Variants in CNTN4 observed in about 807,000 individuals in gnomAD.
CNTN4 encodes the protein contactin 4, also known as contactin-4.
CNTN4 carries 77 observed loss-of-function variants against 122.5 expected under a neutral mutation model. The observed-to-expected ratio is 0.63, with a 90% CI of 0.52 to 0.76. The LOEUF (loss-of-function observed/expected upper bound fraction) is 0.76. CNTN4 is among the 30% of genes least tolerant of loss of function. CNTN4 has a pLI of 0.00. For synonymous variants in CNTN4, 512 were observed against 447.0 expected, an observed-to-expected ratio of 1.15 and a Z score of -1.83; for missense variants, 1,256 against 1,259.1, an observed-to-expected ratio of 1.00 and a Z score of 0.04.
chr3:2,469,212 T>C (rs1276967375), intron 3 of CNTN4, among the ~76,000 whole-genome samples: 1 of 152,206 alleles, frequency 6.6e-6, no homozygotes, highest in African/African-American at 2.4e-5. Flanking sequence ...TCCTAAAATA[T>C]CCAAATGTAC....
chr3:2,507,895 A>T (rs1157723479), intron 3 of CNTN4, among the ~76,000 whole-genome samples: 4 of 151,424 alleles, frequency 2.6e-5, no homozygotes, highest in Non-Finnish European at 4.4e-5. Context: ...CCACACACAC[A>T]CCCCCTCAAA....
intron 2 of CNTN4, among the ~76,000 whole-genome samples, chr3:2,299,572 C>T (rs1249511659): frequency 6.6e-6 from 1 of 151,896 alleles, no homozygotes; most frequent in Non-Finnish European, 1.5e-5. Flanking sequence ...TATTTTTATG[C>T]CATAATCTGA....
At chr3:2,824,176 A>C (rs1428889406) in intron 7 of CNTN4, among the ~76,000 whole-genome samples, 8 of 146,394 alleles carry the variant, frequency 5.5e-5, no homozygotes, top group African/African-American at 2.0e-4. Flanking sequence ...AAAAAAAAAC[A>C]GGCCAGGCGC....
At chr3:2,770,085 A>G (rs1174107986) in intron 6 of CNTN4, among the ~76,000 whole-genome samples, 1 of 150,574 alleles carries the variant, frequency 6.6e-6, no homozygotes, top group Non-Finnish European at 1.5e-5. Context: ...GCTGGAGTGC[A>G]ATGGCGTGAT....
At chr3:2,623,461 T>C (rs556592655) in intron 4 of CNTN4, among the ~76,000 whole-genome samples, 1 of 152,310 alleles carries the variant, frequency 6.6e-6, no homozygotes, top group African/African-American at 2.4e-5. Context: ...ATTTAGCTGT[T>C]ACTGTGGAGC....
At chr3:2,994,470 C>T (rs1357272869) in intron 14 of CNTN4, among the ~76,000 whole-genome samples, 1 of 152,000 alleles carries the variant, frequency 6.6e-6, no homozygotes, top group South Asian at 2.1e-4. Flanking sequence ...CATTCTTCAA[C>T]CCTACAAGCC....
chr3:2,911,779 G>A (rs2094302744), intron 12 of CNTN4, among the ~76,000 whole-genome samples: 1 of 152,132 alleles, frequency 6.6e-6, no homozygotes, highest in African/African-American at 2.4e-5. Flanking sequence ...AATATAGTAA[G>A]TGAATTCAGA....
intron 2 of CNTN4, among the ~76,000 whole-genome samples, chr3:2,335,824 G>A (rs73807731): frequency 0.077 from 11,706 of 152,124 alleles, 512 homozygotes; most frequent in Middle Eastern, 0.085. Context: ...TTTCTTTTAA[G>A]ATCAGTTATG....
chr3:2,416,113 C>T (rs554416748), intron 3 of CNTN4, among the ~76,000 whole-genome samples: 2 of 145,134 alleles, frequency 1.4e-5, no homozygotes, highest in South Asian at 2.1e-4. Flanking sequence ...TCTAGGGAAG[C>T]AAGAAATATA....
intron 2 of CNTN4, among the ~76,000 whole-genome samples, chr3:2,150,949 C>G (rs188788827): frequency 6.6e-6 from 1 of 152,142 alleles, no homozygotes; most frequent in African/African-American, 2.4e-5. Context: ...TTTTTGAGTT[C>G]CTACTGGTCC....
chr3:2,164,004 G>T (rs1182588035), intron 2 of CNTN4, among the ~76,000 whole-genome samples: 1 of 152,026 alleles, frequency 6.6e-6, no homozygotes, highest in Non-Finnish European at 1.5e-5. Flanking sequence ...ATGATAAAAT[G>T]GACTTTGGGG....
intron 13 of CNTN4, among the ~76,000 whole-genome samples, chr3:2,955,171 G>T (rs1293635180): frequency 6.6e-6 from 1 of 152,126 alleles, no homozygotes; most frequent in Non-Finnish European, 1.5e-5. Flanking sequence ...ACAGCCAGGT[G>T]CTCACCAAAA....
chr3:2,283,534 A>G (rs558811283), intron 2 of CNTN4, among the ~76,000 whole-genome samples: 1 of 152,230 alleles, frequency 6.6e-6, no homozygotes, highest in East Asian at 1.9e-4. Context: ...TGGGGTATAG[A>G]AGAGAGGTTA....
At chr3:2,140,062 C>T (rs1021764662) in intron 2 of CNTN4, among the ~76,000 whole-genome samples, 3 of 152,154 alleles carry the variant, frequency 2.0e-5, no homozygotes, top group African/African-American at 7.2e-5. Flanking sequence ...AGAGGAGTTC[C>T]CCTGCACAAG....
intron 2 of CNTN4, among the ~76,000 whole-genome samples, chr3:2,324,118 A>T (rs940324347): frequency 6.6e-6 from 1 of 152,126 alleles, no homozygotes; most frequent in African/African-American, 2.4e-5. Flanking sequence ...CATGGCAATT[A>T]AAAATGTCTC....
chr3:2,709,352 A>T lies in CNTN4; in HGVS notation c.56-26863A>T, dbSNP rs140022800. On this transcript the variant is annotated intron_variant, in intron 4 of 24. Transcript: ENST00000418658. The surrounding 1 kb of genome is among the most constrained non-coding windows in gnomAD (Gnocchi z 5.0). ...AGAATCATCTGGGGGTCCTTAAAAA[A>T]TACTGATGCGTAGGTCTCACGCCTG... Among the ~76,000 whole-genome samples the T allele has an allele frequency of 6.6e-6, 1 of 152,166 alleles. No individual in the cohort carries two copies. The highest frequency in any genetic ancestry group is 2.4e-5 in the African/African-American group (1 of 41,422).
At chr3:2,739,804 A>C (rs1299788250) in intron 5 of CNTN4, among the ~76,000 whole-genome samples, 2 of 152,234 alleles carry the variant, frequency 1.3e-5, no homozygotes, top group Non-Finnish European at 1.5e-5. Context: ...GACAAAGAGT[A>C]GTAAATTGTG....
chr3:2,780,096 G>A (rs1246056292), intron 6 of CNTN4, among the ~76,000 whole-genome samples: 1 of 152,216 alleles, frequency 6.6e-6, no homozygotes, highest in Non-Finnish European at 1.5e-5. Flanking sequence ...AAGTTAGTGT[G>A]TATATCTGAT....
At chr3:3,036,276 T>A (rs745905074) in intron 17 of CNTN4, among the ~76,000 whole-genome samples, 5 of 152,214 alleles carry the variant, frequency 3.3e-5, no homozygotes, top group Non-Finnish European at 7.3e-5. Context: ...TTTTTCACTT[T>A]AGTTTACTAA....
Sources: gnomAD v4.1 joint callset for allele counts (sites outside exome capture counted in the v4.1 genomes callset) on GRCh38, gnomAD v4.1.1 for gene constraint, Gnocchi (gnomAD v3.1) non-coding constraint, MANE v1.5 for transcripts, NCBI Gene and HGNC (gene_info 2026-07-23, HGNC 2026-07-21) for gene names.